Variants in DPP10 observed in about 807,000 individuals in gnomAD.
The protein encoded by DPP10 is dipeptidyl peptidase like 10.
DPP10 carries 33 observed loss-of-function variants against 120.9 expected under a neutral mutation model. The observed-to-expected ratio is 0.27, with a 90% CI of 0.21 to 0.37. The LOEUF (loss-of-function observed/expected upper bound fraction) is 0.37. Among genes scored for constraint, DPP10 ranks in the 10% least tolerant of loss-of-function variants. The pLI, the probability that DPP10 is intolerant of heterozygous loss-of-function variation, is 1.00. For synonymous variants in DPP10, 337 were observed against 326.1 expected, an observed-to-expected ratio of 1.03 and a Z score of -0.36; for missense variants, 816 against 942.8, an observed-to-expected ratio of 0.87 and a Z score of 1.76.
chr2:114,555,686 A>C (rs76011448), intron 1 of DPP10, among the ~76,000 whole-genome samples: 1,793 of 152,288 alleles, frequency 0.012, 89 homozygotes, highest in Admixed American at 0.079. Context: ...ACAAAGAAAA[A>C]ATATTTAAAG....
At chr2:115,577,918 G>A (rs1226292897) in intron 5 of DPP10, among the ~76,000 whole-genome samples, 4 of 152,032 alleles carry the variant, frequency 2.6e-5, no homozygotes, top group Admixed American at 2.0e-4. Context: ...TGGCTGTTAG[G>A]ACTTCAGCAT....
intron 1 of DPP10, among the ~76,000 whole-genome samples, chr2:114,740,821 G>T (rs1054518144): frequency 6.6e-6 from 1 of 152,230 alleles, no homozygotes; most frequent in African/African-American, 2.4e-5. Context: ...TATTTCAGTC[G>T]TTTAAATTTG....
chr2:115,787,708 A>G (rs1312071119), intron 17 of DPP10, among the ~76,000 whole-genome samples: 1 of 152,176 alleles, frequency 6.6e-6, no homozygotes, highest in Non-Finnish European at 1.5e-5. Flanking sequence ...TGAAAAAGTT[A>G]AAAAAAGTTC....
Position 115,499,497 on chromosome 2 carries a change from T to G in DPP10, c.272-13T>G. The G allele has an allele frequency of 1.2e-6, 2 of 1,603,874 alleles. No individual in the cohort carries two copies. Among genetic ancestry groups the G allele is most frequent in the Non-Finnish European group, 1.7e-6 (2 of 1,173,296 alleles). ...AATGTATTTGTCAATTGTGAATGTC[T>G]TTGTTGTTGCAGATACAGATGTGGT... On this transcript the variant is annotated splice_polypyrimidine_tract_variant and intron_variant, in intron 3 of 25. Coordinates refer to ENST00000410059, the MANE Select transcript of DPP10 (RefSeq NM_020868.6).
intron 5 of DPP10, among the ~76,000 whole-genome samples, chr2:115,555,032 G>C (rs4519533): frequency 3.3e-5 from 5 of 151,970 alleles, no homozygotes; most frequent in African/African-American, 1.2e-4. Context: ...TTAATATCTA[G>C]GTTTTCACAC....
chr2:114,592,671 A>G (rs1338416752), intron 1 of DPP10, among the ~76,000 whole-genome samples: 1 of 152,226 alleles, frequency 6.6e-6, no homozygotes, highest in Non-Finnish European at 1.5e-5. Flanking sequence ...CCCTGAAAAA[A>G]AAACCCTCAA....
chr2:115,149,237 CGGCAGTTGGTTATTTTCTT>C (rs1430087070), intron 1 of DPP10, among the ~76,000 whole-genome samples: 84 of 152,282 alleles, frequency 5.5e-4, no homozygotes, highest in Non-Finnish European at 1.0e-3. Context: ...TGATGCTCAA[CGGCAGTTGGTTATTTTCTT>C]GGTGATTATA....
intron 21 of DPP10, among the ~76,000 whole-genome samples, chr2:115,832,243 C>A (rs997294836): frequency 2.0e-5 from 3 of 152,206 alleles, no homozygotes; most frequent in Non-Finnish European, 4.4e-5. Flanking sequence ...AATCCCAGTT[C>A]TTTGGGAGGC....
intron 21 of DPP10, among the ~76,000 whole-genome samples, chr2:115,816,905 G>A (rs941276124): frequency 6.1e-5 from 9 of 148,518 alleles, no homozygotes; most frequent in Admixed American, 2.7e-4. Context: ...GTGAGCCACC[G>A]TGCCCAGCCT....
At chr2:114,834,209 A>G (rs528722568) in intron 1 of DPP10, among the ~76,000 whole-genome samples, 3,599 of 130,970 alleles carry the variant, frequency 0.027, 128 homozygotes, top group African/African-American at 0.089. Flanking sequence ...CCATATCTAC[A>G]CACCTATGTA....
chr2:115,633,325 G>C (rs1053543507), intron 5 of DPP10, among the ~76,000 whole-genome samples: 2 of 152,032 alleles, frequency 1.3e-5, no homozygotes, highest in Non-Finnish European at 2.9e-5. Flanking sequence ...GCAAACTATC[G>C]CAAGGACAGA....
At chr2:115,813,648 A>T (rs573114454) in intron 19 of DPP10, among the ~76,000 whole-genome samples, 1 of 152,162 alleles carries the variant, frequency 6.6e-6, no homozygotes, top group Non-Finnish European at 1.5e-5. Flanking sequence ...CTGATTCTCT[A>T]CTTACTTCTT....
chr2:115,602,342 C>A (rs1024982153), intron 5 of DPP10, among the ~76,000 whole-genome samples: 2 of 152,168 alleles, frequency 1.3e-5, no homozygotes, highest in African/African-American at 4.8e-5. Flanking sequence ...TGCTCGAACA[C>A]ATTTCCAAAG....
intron 1 of DPP10, among the ~76,000 whole-genome samples, chr2:114,705,386 G>A (rs1468730233): frequency 1.3e-5 from 2 of 151,998 alleles, no homozygotes; most frequent in Non-Finnish European, 2.9e-5. Flanking sequence ...AGAACAAAAG[G>A]AGTAGAATAT....
chr2:115,327,748 C>T (rs1378986072), intron 2 of DPP10, among the ~76,000 whole-genome samples: 2 of 151,996 alleles, frequency 1.3e-5, no homozygotes, highest in African/African-American at 4.8e-5. Flanking sequence ...TGACATACTG[C>T]ACCACACAGA....
At chr2:115,334,041 G>T (rs1280363685) in intron 2 of DPP10, among the ~76,000 whole-genome samples, 1 of 151,698 alleles carries the variant, frequency 6.6e-6, no homozygotes, top group African/African-American at 2.4e-5. Context: ...AAGTGACGGG[G>T]CGAATGGAAC....
At chr2:114,443,303 T>C (rs1677761464) in intron 1 of DPP10, among the ~76,000 whole-genome samples, 1 of 152,174 alleles carries the variant, frequency 6.6e-6, no homozygotes, top group Admixed American at 6.5e-5. Flanking sequence ...CTGGTGGTTA[T>C]ACTAAAGTGA....
intron 17 of DPP10, among the ~76,000 whole-genome samples, chr2:115,786,301 A>C (rs901113347): frequency 6.6e-6 from 1 of 152,218 alleles, no homozygotes; most frequent in African/African-American, 2.4e-5. Flanking sequence ...AACATTGTTC[A>C]TCATAGCTGG....
At chr2:115,446,596 C>G (rs1159764081) in intron 3 of DPP10, among the ~76,000 whole-genome samples, 1 of 152,078 alleles carries the variant, frequency 6.6e-6, no homozygotes, top group Non-Finnish European at 1.5e-5. Context: ...ATCACAGGCT[C>G]GGAATGTTTC....
Sources: allele counts gnomAD v4.1 joint callset (sites outside exome capture counted in the v4.1 genomes callset), GRCh38; gene constraint gnomAD v4.1.1; transcripts MANE v1.5; gene names NCBI Gene and HGNC (gene_info 2026-07-23, HGNC 2026-07-21).